ARHGEF28: variants seen among roughly 807,000 people sequenced by gnomAD.
ARHGEF28 encodes the protein Rho guanine nucleotide exchange factor 28.
In ARHGEF28, 152 loss-of-function variants were observed where a neutral mutation model predicts 206.6. That is an observed-to-expected ratio of 0.74 (90% confidence interval 0.64 to 0.84). The LOEUF is 0.84. ARHGEF28 is among the 40% of genes least tolerant of loss of function. The pLI is 0.00. For synonymous variants in ARHGEF28, 763 were observed against 776.4 expected (o/e 0.98, Z 0.29); for missense variants, 2,028 against 2,073.2 (o/e 0.98, Z 0.42).
At chr5:73,698,128 G>A (rs956470306) in intron 2 of ARHGEF28, among the ~76,000 whole-genome samples, 2 of 152,096 alleles carry the variant, frequency 1.3e-5, no homozygotes, top group East Asian at 1.9e-4. Flanking sequence ...TTCCATAAAC[G>A]TAACATTTCC....
intron 1 of ARHGEF28, among the ~76,000 whole-genome samples, chr5:73,680,051 T>C (rs1488303931): frequency 6.6e-6 from 1 of 152,192 alleles, no homozygotes; most frequent in African/African-American, 2.4e-5. Flanking sequence ...GAGTCTTGTG[T>C]GTGGTGTTTT....
intron 2 of ARHGEF28, among the ~76,000 whole-genome samples, chr5:73,694,573 C>T (rs745799608): frequency 3.9e-5 from 6 of 152,268 alleles, no homozygotes; most frequent in Non-Finnish European, 8.8e-5. Flanking sequence ...ATAACGTGAT[C>T]CAGGTAAAAT....
intron 29 of ARHGEF28, among the ~76,000 whole-genome samples, chr5:73,896,172 A>G (rs1456771974): frequency 6.6e-6 from 1 of 152,202 alleles, no homozygotes; most frequent in East Asian, 1.9e-4. Flanking sequence ...CTTCAGAGAG[A>G]TTAGCCTAAA....
chr5:73,878,402 T>C (rs1308385680), intron 22 of ARHGEF28, among the ~76,000 whole-genome samples: 1 of 152,058 alleles, frequency 6.6e-6, no homozygotes, highest in African/African-American at 2.4e-5. Context: ...TGTCTTTTAA[T>C]TGGAGCATTT....
chr5:73,668,659 T>G (rs1269253915), intron 1 of ARHGEF28, among the ~76,000 whole-genome samples: 3 of 152,168 alleles, frequency 2.0e-5, no homozygotes, highest in Non-Finnish European at 4.4e-5. Flanking sequence ...GCCCTGGAAG[T>G]GGTTATAGCC....
At chr5:73,717,386 G>A (rs570782043) in intron 2 of ARHGEF28, among the ~76,000 whole-genome samples, 12 of 151,934 alleles carry the variant, frequency 7.9e-5, no homozygotes, top group East Asian at 1.9e-4. Context: ...TATTTCTCTC[G>A]TCTTTAACCT....
chr5:73,846,376 T>C lies in ARHGEF28; in HGVS notation c.1536T>C (p.Pro512=). The C allele has an allele frequency of 1.2e-6, 2 of 1,613,962 alleles. No individual in the cohort carries two copies. The highest frequency in any genetic ancestry group is 1.7e-6 in the Non-Finnish European group (2 of 1,179,844). The change falls in exon 12 of 36, where the codon CCT becomes CCC. Residue 512 remains proline, a synonymous_variant. Transcript: ENST00000513042. ...AGAGCTCCTCAAGAACTGGGATTCC[T>C]AGTGGGGATGAATTGGACTCTTTTG... ...GSQSSSRTGI[P]SGDELDSFET... is the part of the protein sequence containing the mutation.
chr5:73,822,226 G>A (rs1756642345), intron 9 of ARHGEF28, among the ~76,000 whole-genome samples: 8 of 152,182 alleles, frequency 5.3e-5, no homozygotes, highest in Admixed American at 4.6e-4. Context: ...GGAATCCACT[G>A]GCTTTGTCCC....
chr5:73,940,004 G>T (rs1452214061), intron 35 of ARHGEF28, among the ~76,000 whole-genome samples: 7 of 152,004 alleles, frequency 4.6e-5, no homozygotes, highest in Non-Finnish European at 8.8e-5. Context: ...TTCCCACCTG[G>T]ACTTCCATTC....
In ARHGEF28 at chr5:73,882,459, G is replaced by T; in HGVS notation, c.2815-13G>T. 7.1e-7 allele frequency: 1 copy of T among 1,403,456 alleles called. No individual in the cohort carries two copies. Among genetic ancestry groups the T allele is most frequent in the South Asian group, 1.5e-5 (1 of 68,816 alleles). The allele number at this position is 1,403,456 out of a possible 1,614,324, so 86.9% of individuals were successfully genotyped here. A position where few individuals can be genotyped will look rare whatever the true frequency, so the allele number is the denominator to read the frequency against. Reference sequence around the variant, plus strand: ...TAAATTTACAAACCATTATTTAAATGTTATTCTTCCAGTTTTCAGAAGAAA... The same window carrying T: ...TAAATTTACAAACCATTATTTAAATTTTATTCTTCCAGTTTTCAGAAGAAA... On this transcript the variant is annotated splice_polypyrimidine_tract_variant and intron_variant, in intron 22 of 35. Coordinates refer to ENST00000513042, the MANE Select transcript of ARHGEF28 (RefSeq NM_001177693.2).
intron 3 of ARHGEF28, among the ~76,000 whole-genome samples, chr5:73,751,404 T>C (rs2003287): frequency 0.34 from 51,051 of 152,058 alleles, 9,513 homozygotes; most frequent in African/African-American, 0.5. Context: ...AGCGAGACTC[T>C]GTCTCAAAAC....
intron 4 of ARHGEF28, among the ~76,000 whole-genome samples, chr5:73,760,155 C>T (rs1752529534): frequency 1.3e-5 from 2 of 152,192 alleles, no homozygotes; most frequent in South Asian, 4.1e-4. Flanking sequence ...TGCTGGCCCA[C>T]AGATGAAGTA....
At chr5:73,750,104 G>A (rs1580565189) in intron 3 of ARHGEF28, 120 bp downstream of exon 3, 1 of 1,182,954 alleles carries the variant, frequency 8.5e-7, no homozygotes, top group East Asian at 2.4e-5. Flanking sequence ...GGTCAGGAGT[G>A]TGTGCGTGCC....
At chr5:73,911,108 C>G (rs889906713) in intron 34 of ARHGEF28, among the ~76,000 whole-genome samples, 167 bp from the exon 35 acceptor site, 1 of 152,006 alleles carries the variant, frequency 6.6e-6, no homozygotes, top group Non-Finnish European at 1.5e-5. Flanking sequence ...GTTTTTGGTA[C>G]TAGCTCATTA....
At chr5:73,747,703 A>G (rs1222084246) in intron 2 of ARHGEF28, among the ~76,000 whole-genome samples, 1 of 152,042 alleles carries the variant, frequency 6.6e-6, no homozygotes, top group African/African-American at 2.4e-5. Context: ...TTATTGCTGA[A>G]TATCTTCTGA....
In ARHGEF28 at chr5:73,860,005, G is replaced by C. The variant is rs114814568; in HGVS notation, c.2047+1786G>C. Among the ~76,000 whole-genome samples the C allele has an allele frequency of 3.1e-3, 470 of 152,310 alleles. 3 individuals are homozygous for C. The highest frequency in any genetic ancestry group is 3.4e-3 in the Non-Finnish European group (229 of 68,032). On this transcript the variant is annotated intron_variant, in intron 16 of 35. Coordinates refer to ENST00000513042, the MANE Select transcript of ARHGEF28 (RefSeq NM_001177693.2). ...TGAGAGTCACTTTCTAGTCAAGTCTGAGTCTTTCCTCATTGTTCAGACTCA... is the reference window on the plus strand; with the variant it reads ...TGAGAGTCACTTTCTAGTCAAGTCTCAGTCTTTCCTCATTGTTCAGACTCA...
At chr5:73,679,857 A>G (rs1746954051) in intron 1 of ARHGEF28, among the ~76,000 whole-genome samples, 1 of 152,222 alleles carries the variant, frequency 6.6e-6, no homozygotes, top group Admixed American at 6.5e-5. Flanking sequence ...GCACGTCTCA[A>G]TGTAGTATAG....
At chr5:73,694,246 A>G (rs1056033565) in intron 2 of ARHGEF28, among the ~76,000 whole-genome samples, 6 of 152,218 alleles carry the variant, frequency 3.9e-5, no homozygotes, top group Non-Finnish European at 8.8e-5. Flanking sequence ...AAAGGTGAAT[A>G]TACAACTACA....
intron 23 of ARHGEF28, among the ~76,000 whole-genome samples, chr5:73,883,172 T>C (rs1313647249): frequency 6.6e-6 from 1 of 152,188 alleles, no homozygotes; most frequent in Non-Finnish European, 1.5e-5. Context: ...ACCCCTTTTT[T>C]CTTCTTCTGA....
Sources: gnomAD v4.1 joint callset for allele counts (sites outside exome capture counted in the v4.1 genomes callset) on GRCh38, gnomAD v4.1.1 for gene constraint, MANE v1.5 for transcripts, NCBI Gene and HGNC (gene_info 2026-07-23, HGNC 2026-07-21) for gene names.